The following REXO2 variants were observed in gnomAD, a reference collection of about 807,000 sequenced individuals.
The protein encoded by REXO2 is oligoribonuclease, mitochondrial.
REXO2 carries 17 observed loss-of-function variants against 30.9 expected under a neutral mutation model. The observed-to-expected ratio is 0.55, with a 90% CI of 0.38 to 0.82. REXO2 has a LOEUF of 0.82. Ranked by LOEUF, REXO2 falls within the 40% of genes least tolerant of loss-of-function variation. REXO2 has a pLI of 0.00. For synonymous variants in REXO2, 105 were observed against 99.6 expected (o/e 1.05, Z -0.32); for missense variants, 253 against 293.2 (o/e 0.86, Z 1.00).
chr11:114,442,173 AAGCTT>A (rs1946483210), intron 2 of REXO2, among the ~76,000 whole-genome samples: 1 of 150,970 alleles, frequency 6.6e-6, no homozygotes, highest in Admixed American at 6.6e-5. Context: ...AAAAAAAAAA[AAGCTT>A]AGGGGCTATC....
At chr11:114,446,210 A>C in intron 5 of REXO2, 123 bp downstream of exon 5, 2 of 569,762 alleles carry the variant, frequency 3.5e-6, no homozygotes, top group East Asian at 2.8e-5. Flanking sequence ...TATCTTCCTC[A>C]TCCCATTCTT....
In REXO2 at chr11:114,449,986, C is replaced by T; in HGVS notation, c.*11C>T. 1 of 1,584,580 alleles carries T rather than the reference C, an allele frequency of 6.3e-7. No individual in the cohort carries two copies. The highest frequency in any genetic ancestry group is 8.6e-7 in the Non-Finnish European group (1 of 1,167,114). ...AAGACCGTGAGTTGATGCCAGTTATCATGCTGCCACTACATCGTTATCTGG... is the reference window on the plus strand; with the variant it reads ...AAGACCGTGAGTTGATGCCAGTTATTATGCTGCCACTACATCGTTATCTGG... On this transcript the variant is annotated 3_prime_UTR_variant, in exon 7 of 7. Transcript: ENST00000265881.
intron 6 of REXO2, among the ~76,000 whole-genome samples, chr11:114,448,496 G>A (rs554391191): frequency 6.6e-6 from 1 of 152,286 alleles, no homozygotes; most frequent in Admixed American, 6.5e-5. Flanking sequence ...TAGGCAAATA[G>A]AGAAAGACCA....
chr11:114,449,751 T>G, intron 6 of REXO2, 95 bp from the exon 7 acceptor site: 2 of 1,247,734 alleles, frequency 1.6e-6, no homozygotes, highest in Non-Finnish European at 2.2e-6. Context: ...GTAACATCCA[T>G]TGTTCTTAAG....
chr11:114,447,623 A>G (rs779589802), intron 5 of REXO2, among the ~76,000 whole-genome samples: 4 of 152,134 alleles, frequency 2.6e-5, no homozygotes, highest in African/African-American at 7.2e-5. Flanking sequence ...AGATTTAGCA[A>G]TCTTACACAC....
Position 114,444,664 on chromosome 11 carries a change from TC to T in REXO2, c.421+14del, listed in dbSNP as rs1946501666. On this transcript the variant is annotated intron_variant, in intron 4 of 6. Coordinates refer to ENST00000265881, the MANE Select transcript of REXO2 (RefSeq NM_015523.4). ...CTGTCCACTTGCAGGTAAAATCCAA[TC>T]CTGTGTATATCTTATAGTCTTCCAT... 5 of 1,526,084 alleles carry T rather than the reference TC, an allele frequency of 3.3e-6. No homozygotes were observed. The South Asian group carries it at 6.1e-5, about 19-fold the overall frequency. The allele number at this position is 1,526,084 out of a possible 1,614,324, so 94.5% of individuals were successfully genotyped here. A position where few individuals can be genotyped will look rare whatever the true frequency, so the allele number is the denominator to read the frequency against.
At chr11:114,441,642 GTC>G in intron 2 of REXO2, 1 of 675,496 alleles carries the variant, frequency 1.5e-6, no homozygotes, top group Non-Finnish European at 2.7e-6. Flanking sequence ...GGAAAAGAGA[GTC>G]TTGTTAAAAT....
intron 1 of REXO2, 126 bp from the exon 2 acceptor site, chr11:114,440,530 T>C (rs959109092): frequency 2.9e-6 from 2 of 687,718 alleles, no homozygotes; most frequent in Non-Finnish European, 2.5e-6. Flanking sequence ...GGAGCATTCT[T>C]TCTCTTCTGT....
At chr11:114,445,490 T>G (rs552138346) in intron 4 of REXO2, 2 of 154,968 alleles carry the variant, frequency 1.3e-5, no homozygotes, top group African/African-American at 4.8e-5. Flanking sequence ...ATATCTGTTT[T>G]AAAGGTCTCA....
At chr11:114,447,063 C>T (rs1454849368) in intron 5 of REXO2, among the ~76,000 whole-genome samples, 1 of 151,792 alleles carries the variant, frequency 6.6e-6, no homozygotes, top group South Asian at 2.1e-4. Flanking sequence ...CTCAGCCTCC[C>T]GAGTAGCTGG....
intron 1 of REXO2, 169 bp downstream of exon 1, chr11:114,439,844 G>T: frequency 2.7e-6 from 2 of 754,152 alleles, no homozygotes; most frequent in Non-Finnish European, 4.1e-6. Flanking sequence ...GAGTCCTGCG[G>T]GTGTTGGGCG....
chr11:114,439,804 A>T (rs559241546), intron 1 of REXO2, 129 bp downstream of exon 1: 2 of 1,188,494 alleles, frequency 1.7e-6, no homozygotes, highest in African/African-American at 3.1e-5. Flanking sequence ...GCGGCCGGCC[A>T]CGGGCGGTGC....
intron 3 of REXO2, 22 bp from the exon 4 acceptor site, chr11:114,444,519 G>T: frequency 6.5e-7 from 1 of 1,547,988 alleles, no homozygotes; most frequent in Non-Finnish European, 8.9e-7. Flanking sequence ...TTTGGTGGGG[G>T]GCTGGGGATT....
intron 4 of REXO2, 172 bp from the exon 5 acceptor site, chr11:114,445,807 A>T (rs1421438401): frequency 8.9e-6 from 5 of 562,892 alleles, no homozygotes; most frequent in Non-Finnish European, 1.3e-5. Context: ...GGAAATCTGT[A>T]CTTGTAAGCT....
At chr11:114,439,805 C>T (rs1441777759) in intron 1 of REXO2, 130 bp downstream of exon 1, 4 of 1,180,482 alleles carry the variant, frequency 3.4e-6, no homozygotes, top group Non-Finnish European at 3.4e-6. Flanking sequence ...CGGCCGGCCA[C>T]GGGCGGTGCA....
chr11:114,441,398 G>A (rs1014597242), intron 2 of REXO2, among the ~76,000 whole-genome samples: 18 of 152,214 alleles, frequency 1.2e-4, no homozygotes, highest in African/African-American at 4.3e-4. Flanking sequence ...CCCGTAAAGT[G>A]TTCTGTTGTT....
chr11:114,439,562 C>T lies in REXO2; in HGVS notation c.34C>T (p.Arg12Trp). ...LGGSLGSRLL[R>W]GVGGSHGRFG... Reference sequence around the variant, plus strand: ...CGGCTCCCTGGGCTCCAGGCTGTTGCGGGGTGTAGGTGGGAGTCACGGACG... The same window carrying T: ...CGGCTCCCTGGGCTCCAGGCTGTTGTGGGGTGTAGGTGGGAGTCACGGACG... The change falls in exon 1 of 7, where the codon CGG (arginine) becomes TGG (tryptophan). Residue 12 changes from arginine (R) to tryptophan (W), a missense_variant. By Grantham distance (101) the Arg-to-Trp change is moderately radical. Coordinates refer to ENST00000265881, the MANE Select transcript of REXO2 (RefSeq NM_015523.4). 1.2e-6 allele frequency: 2 copies of T among 1,609,212 alleles called. No homozygotes were observed. The highest frequency in any genetic ancestry group is 1.7e-6 in the Non-Finnish European group (2 of 1,179,502).
In REXO2 at chr11:114,447,830, T is replaced by A. The variant is rs760410512; in HGVS notation, c.535T>A (p.Trp179Arg). 1 of 1,613,580 alleles carries A rather than the reference T, an allele frequency of 6.2e-7. No homozygotes were observed. Among genetic ancestry groups the A allele is most frequent in the South Asian group, 1.1e-5 (1 of 90,998 alleles). The part of the protein sequence containing the change: ...VSTVKELCRR[W>R]YPEEYEFAPK... Reference sequence around the variant, plus strand: ...TTCCATTTCTGCTGTGTATAGACGCTGGTATCCAGAAGAATATGAATTTGC... The same window carrying A: ...TTCCATTTCTGCTGTGTATAGACGCAGGTATCCAGAAGAATATGAATTTGC... The change falls in exon 6 of 7, where the codon TGG becomes AGG. Residue 179 changes from tryptophan to arginine, a missense_variant. By Grantham distance (101) the Trp-to-Arg change is moderately radical (BLOSUM62 -3). Transcript: ENST00000265881.
chr11:114,444,053 T>G (rs1390244924), intron 3 of REXO2, 120 bp downstream of exon 3: 1 of 759,164 alleles, frequency 1.3e-6, no homozygotes, highest in African/African-American at 1.7e-5. Context: ...GAAGATTGCA[T>G]GGCAAGCCTG....
Sources: allele counts gnomAD v4.1 joint callset (sites outside exome capture counted in the v4.1 genomes callset), GRCh38; gene constraint gnomAD v4.1.1; transcripts MANE v1.5; gene names NCBI Gene and HGNC (gene_info 2026-07-23, HGNC 2026-07-21).